Variants in TMEM74 observed in about 807,000 individuals in gnomAD.
The protein encoded by TMEM74 is transmembrane protein 74.
In TMEM74, 13 loss-of-function variants were observed where a neutral mutation model predicts 18.1. The ratio of observed to expected loss-of-function variants is 0.72; its 90% CI spans 0.47 to 1.14. The LOEUF (loss-of-function observed/expected upper bound fraction) is 1.14, where lower values mean the gene tolerates loss of function less well. Ranked by LOEUF, TMEM74 falls within the 50% of genes most tolerant of loss-of-function variation. The pLI is 0.00. For synonymous variants in TMEM74, 159 were observed against 146.6 expected, an observed-to-expected ratio of 1.08 and a Z score of -0.61; for missense variants, 372 against 375.9, an observed-to-expected ratio of 0.99 and a Z score of 0.09.
intron 1 of TMEM74, among the ~76,000 whole-genome samples, chr8:108,665,397 C>T (rs934873669): frequency 1.3e-5 from 2 of 151,982 alleles, no homozygotes; most frequent in African/African-American, 4.8e-5. Flanking sequence ...GAGAAATGGG[C>T]ATCAGGGAGA....
chr8:108,611,036 A>G (rs1812329065), intron 2 of TMEM74, among the ~76,000 whole-genome samples: 1 of 152,180 alleles, frequency 6.6e-6, no homozygotes, highest in Non-Finnish European at 1.5e-5. Flanking sequence ...TGTCCTCAAA[A>G]TATACTACAT....
chr8:108,671,448 T>A (rs1813004085), intron 1 of TMEM74, among the ~76,000 whole-genome samples: 1 of 152,224 alleles, frequency 6.6e-6, no homozygotes, highest in African/African-American at 2.4e-5. Context: ...TTCACATGGC[T>A]AATGACCCCT....
chr8:108,742,236 G>A (rs1234304189), intron 1 of TMEM74, among the ~76,000 whole-genome samples: 2 of 152,014 alleles, frequency 1.3e-5, no homozygotes, highest in Non-Finnish European at 2.9e-5. Context: ...TACAACGAAC[G>A]CCTGTGACAT....
intron 1 of TMEM74, among the ~76,000 whole-genome samples, chr8:108,696,391 G>A (rs1813281986): frequency 6.6e-6 from 1 of 152,168 alleles, no homozygotes; most frequent in African/African-American, 2.4e-5. Context: ...AATCAGATCT[G>A]TTTGATCTCA....
At chr8:108,647,331 T>C (rs190167764) in intron 2 of TMEM74, among the ~76,000 whole-genome samples, 132 of 152,302 alleles carry the variant, frequency 8.7e-4, no homozygotes, top group African/African-American at 3.0e-3. Context: ...GATGTCTAGT[T>C]TGGCAAATCA....
intron 1 of TMEM74, among the ~76,000 whole-genome samples, chr8:108,748,639 C>T (rs1023963914): frequency 1.3e-4 from 19 of 148,998 alleles, no homozygotes; most frequent in Non-Finnish European, 2.5e-4. Flanking sequence ...GAAATCTTTG[C>T]CCCTACCTAT....
At chr8:108,684,228 G>C (rs1387230960) in intron 1 of TMEM74, among the ~76,000 whole-genome samples, 1 of 151,990 alleles carries the variant, frequency 6.6e-6, no homozygotes, top group Non-Finnish European at 1.5e-5. Context: ...CAACAGTGTA[G>C]AGGAATTCTC....
chr8:108,670,089 A>C (rs373821391), intron 1 of TMEM74, among the ~76,000 whole-genome samples: 1 of 149,562 alleles, frequency 6.7e-6, no homozygotes, highest in African/African-American at 2.5e-5. Flanking sequence ...TTTTCTTTAT[A>C]TTCATTTTTT....
At chr8:108,682,266 A>G (rs1363748946) in intron 1 of TMEM74, among the ~76,000 whole-genome samples, 2 of 151,962 alleles carry the variant, frequency 1.3e-5, no homozygotes, top group African/African-American at 4.8e-5. Flanking sequence ...GCTTTTGCAT[A>G]TGCTATTCTC....
intron 2 of TMEM74, among the ~76,000 whole-genome samples, chr8:108,629,800 C>T (rs556576916): frequency 2.0e-5 from 3 of 151,930 alleles, no homozygotes; most frequent in Non-Finnish European, 2.9e-5. Flanking sequence ...ATTTTGTCAC[C>T]ACCAGGCCTG....
At chr8:108,666,470 C>T (rs375279051) in intron 1 of TMEM74, among the ~76,000 whole-genome samples, 1 of 152,122 alleles carries the variant, frequency 6.6e-6, no homozygotes, top group African/African-American at 2.4e-5. Flanking sequence ...CAGGGGGCTT[C>T]CTGGACCCCT....
intron 1 of TMEM74, among the ~76,000 whole-genome samples, chr8:108,725,851 T>A (rs1049613244): frequency 6.6e-6 from 1 of 152,178 alleles, no homozygotes; most frequent in Non-Finnish European, 1.5e-5. Context: ...ATTTTTCACA[T>A]CTAAGGTGCT....
intron 1 of TMEM74, among the ~76,000 whole-genome samples, chr8:108,764,732 A>G (rs925372414): frequency 6.6e-6 from 1 of 152,132 alleles, no homozygotes; most frequent in African/African-American, 2.4e-5. Flanking sequence ...ACTGCTATTC[A>G]AGGAAGGATA....
intron 3 of TMEM74, among the ~76,000 whole-genome samples, chr8:108,608,459 C>T (rs561341841): frequency 1.3e-5 from 2 of 152,302 alleles, no homozygotes; most frequent in East Asian, 3.9e-4. Context: ...GAGTATTCAT[C>T]TCTCGTTTCC....
At position 108,657,859 on chromosome 8, in the gene TMEM74, A is replaced by AAT. The variant is rs1175396487; in HGVS notation, n.120-2424_120-2423dup. On this transcript the variant is annotated intron_variant and non_coding_transcript_variant, in intron 1 of 3. Transcript: ENST00000518838. ...CACCGTCTCAAAAAAAAAAAAAAAA[A>AAT]ATATATATATATATATATATATATA... Among the ~76,000 whole-genome samples the AAT allele has an allele frequency of 5.3e-3, 265 of 49,828 alleles. 3 individuals carry two copies. The highest frequency in any genetic ancestry group is 8.7e-3 in the Admixed American group (25 of 2,862). The allele number at this position is 49,828 out of a possible 152,430, so 32.7% of individuals were successfully genotyped here.
At chr8:108,758,457 AG>A (rs1254154455) in intron 1 of TMEM74, among the ~76,000 whole-genome samples, 1 of 152,116 alleles carries the variant, frequency 6.6e-6, no homozygotes, top group Admixed American at 6.6e-5. Flanking sequence ...CAAATGGCCA[AG>A]AAATGTATAA....
intron 1 of TMEM74, among the ~76,000 whole-genome samples, chr8:108,700,362 G>A (rs150617158): frequency 6.6e-6 from 1 of 152,236 alleles, no homozygotes; most frequent in East Asian, 1.9e-4. Context: ...GCCTATTGCT[G>A]TTTTGGGATG....
intron 1 of TMEM74, among the ~76,000 whole-genome samples, chr8:108,681,398 C>G (rs376293796): frequency 4.5e-4 from 68 of 151,894 alleles, no homozygotes; most frequent in African/African-American, 1.3e-3. Flanking sequence ...ACAAACCTGA[C>G]AAAAACAAGC....
intron 1 of TMEM74, among the ~76,000 whole-genome samples, chr8:108,727,647 G>A (rs1813652761): frequency 2.0e-5 from 3 of 152,170 alleles, no homozygotes; most frequent in African/African-American, 7.2e-5. Context: ...TTTGATATGA[G>A]CCAGAAGCTC....
Sources: gnomAD v4.1 joint callset for allele counts (sites outside exome capture counted in the v4.1 genomes callset) on GRCh38, gnomAD v4.1.1 for gene constraint, MANE v1.5 for transcripts, NCBI Gene and HGNC (gene_info 2026-07-23, HGNC 2026-07-21) for gene names.